Variants in HYAL1 observed in about 807,000 individuals in gnomAD.
HYAL1 encodes the protein hyaluronidase-1.
Under a neutral mutation model 28.8 loss-of-function variants are expected in HYAL1, and 21 were observed. The ratio of observed to expected loss-of-function variants is 0.73; its 90% CI spans 0.52 to 1.05. The LOEUF is 1.05. Ranked by LOEUF, HYAL1 falls within the 50% of genes least tolerant of loss-of-function variation. The pLI, the probability that HYAL1 is intolerant of heterozygous loss-of-function variation, is 0.00. For missense variants in HYAL1, 491 were observed against 579.2 expected (o/e 0.85, Z 1.56); for synonymous variants, 200 against 230.1 (o/e 0.87, Z 1.18).
chr3:50,305,445 G>A (rs587637738), upstream of HYAL1, among the ~76,000 whole-genome samples: 17 of 150,400 alleles, frequency 1.1e-4, no homozygotes, highest in East Asian at 6.0e-4. Flanking sequence ...AGGTTTCACC[G>A]TGTTAGCCAG....
At chr3:50,304,299 ATATATATATATATATATATATATATAT>A (rs1702291112), upstream of HYAL1, among the ~76,000 whole-genome samples, 1 of 27,866 alleles carries the variant, frequency 3.6e-5, no homozygotes, top group Admixed American at 5.9e-4. Context: ...AAAAAAAAAT[ATATATATATATATATATATATATATAT>A]ATATATATAT....
chr3:50,305,400 C>T (rs1394835853), upstream of HYAL1, among the ~76,000 whole-genome samples: 14 of 151,836 alleles, frequency 9.2e-5, 1 homozygote, highest in South Asian at 6.2e-4. Flanking sequence ...CCCGCCACCA[C>T]GCCTGGCTAA....
intron 1 of HYAL1, chr3:50,303,234 A>C (rs1575518369): frequency 2.7e-6 from 1 of 364,802 alleles, no homozygotes; most frequent in Non-Finnish European, 5.0e-6. Flanking sequence ...AAGCTCGCCC[A>C]CCCCTGCTTC....
chr3:50,300,152 T>C lies in HYAL1; in HGVS notation c.*331A>G, dbSNP rs1386556153. ...CCACATAAAACGCTTAGCACGGGGATTGGCAAAGAGTAGGCACTCAGTGAA... is the reference window on the plus strand; with the variant it reads ...CCACATAAAACGCTTAGCACGGGGACTGGCAAAGAGTAGGCACTCAGTGAA... On this transcript the variant is annotated 3_prime_UTR_variant, in exon 4 of 4. Transcript: ENST00000395144. 5.3e-6 allele frequency: 2 copies of C among 380,554 alleles called. No individual in the cohort carries two copies. Among genetic ancestry groups the C allele is most frequent in the Admixed American group, 7.5e-5 (2 of 26,748 alleles). The allele number at this position is 380,554 out of a possible 1,614,324, so 23.6% of individuals were successfully genotyped here.
Position 50,302,212 on chromosome 3 carries a change from G to A in HYAL1, c.745C>T (p.Pro249Ser), listed in dbSNP as rs138951582. Reference sequence around the variant, plus strand: ...TTCCCTGTGCCCTCCAGCACTGCGGGCATGTAGATGCTGGGATAGAGGGCA... The same window carrying A: ...TTCCCTGTGCCCTCCAGCACTGCGGACATGTAGATGCTGGGATAGAGGGCA... ...SRALYPSIYMPAVLEGTGKSQ... is the reference protein window; with the variant it reads ...SRALYPSIYMSAVLEGTGKSQ... The change falls in exon 2 of 4, where the codon CCC becomes TCC. Residue 249 changes from proline (P) to serine (S), a missense_variant. Transcript: ENST00000395144. The surrounding 1 kb of genome is among the most constrained non-coding windows in gnomAD (Gnocchi z 5.0). 8.4e-4 allele frequency: 1,356 copies of A among 1,614,154 alleles called. 16 individuals are homozygous for A. In the East Asian group the frequency reaches 0.015, roughly 17 times the overall value.
intron 2 of HYAL1, 102 bp from the exon 3 acceptor site, chr3:50,301,179 G>C (rs1553712820): frequency 2.6e-6 from 2 of 769,044 alleles, no homozygotes; most frequent in African/African-American, 3.5e-5. Flanking sequence ...CCTTCACCTG[G>C]GGCTGCTCTG....
chr3:50,303,242 T>G lies in HYAL1; in HGVS notation c.-25+224A>C. On this transcript the variant is annotated intron_variant, in intron 1 of 3. Transcript: ENST00000395144. ...CTAGCCTAAGCTCGCCCACCCCTGC[T>G]TCCCCATGAGCCACTGAGGCCATGA... is the stretch of plus-strand genomic sequence containing the variant. 5 of 346,534 alleles carry G rather than the reference T, an allele frequency of 1.4e-5. 1 individual carries two copies. Among genetic ancestry groups the G allele is most frequent in the South Asian group, 1.4e-4 (2 of 13,878 alleles). 21.5% of individuals were successfully genotyped at this position (346,534 alleles called of 1,614,324 possible). A position where few individuals can be genotyped will look rare whatever the true frequency, so the allele number is the denominator to read the frequency against.
Position 50,302,847 on chromosome 3 carries a change from T to C in HYAL1, c.110A>G (p.Asn37Ser), listed in dbSNP as rs781829736. 1.2e-6 allele frequency: 2 copies of C among 1,614,052 alleles called. No homozygotes were observed. The highest frequency in any genetic ancestry group is 1.7e-6 in the Non-Finnish European group (2 of 1,180,002). Residue 37 changes from asparagine to serine, a missense_variant, in exon 2 of 4, where the codon AAT becomes AGT. By Grantham distance (46) the Asn-to-Ser change is conservative (BLOSUM62 1). Transcript: ENST00000395144. This position sits in a 1 kb window ranked among gnomAD's most constrained non-coding sequence, Gnocchi z 5.0. The part of the protein sequence containing the change: ...LPNRPFTTVW[N>S]ANTQWCLERH... ...CTCCAGGCACCACTGGGTGTTTGCA[T>C]TCCAGACGGTGGTGAAGGGCCGGTT...
upstream of HYAL1, among the ~76,000 whole-genome samples, chr3:50,306,976 A>G (rs1343141071): frequency 4.0e-5 from 6 of 151,158 alleles, no homozygotes; most frequent in African/African-American, 1.5e-4. Context: ...AGGCTGAGGC[A>G]GGAGAATCAC....
intron 2 of HYAL1, 116 bp from the exon 3 acceptor site, chr3:50,301,193 A>G (rs1432285493): frequency 5.9e-6 from 4 of 682,366 alleles, no homozygotes; most frequent in Non-Finnish European, 1.0e-5. Flanking sequence ...TGCTCTGGCC[A>G]TGGGACCAGA....
chr3:50,306,441 C>G (rs1451943381), upstream of HYAL1, among the ~76,000 whole-genome samples: 1 of 150,982 alleles, frequency 6.6e-6, no homozygotes, highest in Non-Finnish European at 1.5e-5. Context: ...TTCTGCCTTG[C>G]AATTTCCTTT....
chr3:50,303,002 G>A, intron 1 of HYAL1, 22 bp from the exon 2 acceptor site: 1 of 1,516,810 alleles, frequency 6.6e-7, no homozygotes, highest in Non-Finnish European at 8.8e-7. Context: ...AGGCAGAGCT[G>A]AGAACAGGTT....
In HYAL1 at chr3:50,302,278, C is replaced by T. The variant is rs143176318; in HGVS notation, c.679G>A (p.Ala227Thr). The T allele has an allele frequency of 1.2e-3, 1,956 of 1,613,820 alleles. 2 individuals carry two copies. Among genetic ancestry groups the T allele is most frequent in the Non-Finnish European group, 1.5e-3 (1,721 of 1,180,028 alleles). ...YTGQCPSGIR[A>T]QNDQLGWLWG... is the part of the protein sequence containing the mutation. ...AGCCACCCTAGCTGGTCATTTTGGG[C>T]ACGGATGCCTGATGGGCACTGGCCG... Residue 227 changes from alanine (A) to threonine (T), a missense_variant, in exon 2 of 4, where the codon GCC becomes ACC. Coordinates refer to ENST00000395144, the MANE Select transcript of HYAL1 (RefSeq NM_033159.4). This position sits in a 1 kb window ranked among gnomAD's most constrained non-coding sequence, Gnocchi z 5.0.
At chr3:50,304,580 T>A (rs1375435021), upstream of HYAL1, among the ~76,000 whole-genome samples, 1 of 151,438 alleles carries the variant, frequency 6.6e-6, no homozygotes, top group Admixed American at 6.6e-5. Context: ...ATATTTACAT[T>A]TATATTCTTC....
chr3:50,304,296 A>AAATATATATATAT (rs1553713686), upstream of HYAL1, among the ~76,000 whole-genome samples: 1 of 30,478 alleles, frequency 3.3e-5, no homozygotes, highest in African/African-American at 1.0e-4. Flanking sequence ...AAAAAAAAAA[A>AAATATATATATAT]ATATATATAT....
At chr3:50,304,074 C>T (rs149952098), upstream of HYAL1, 12,460 of 151,220 alleles carry the variant, frequency 0.082, 624 homozygotes, top group Middle Eastern at 0.11. Context: ...GAGACCATCC[C>T]GGCTAACATG....
At chr3:50,311,930 C>T (rs1702473518) in intron 1 of HYAL1, among the ~76,000 whole-genome samples, 1 of 142,730 alleles carries the variant, frequency 7.0e-6, no homozygotes, top group African/African-American at 2.7e-5. Context: ...GGGTGGCTGG[C>T]CGGCCAGAGG....
At chr3:50,305,464 C>T (rs1311581919), upstream of HYAL1, among the ~76,000 whole-genome samples, 3 of 151,254 alleles carry the variant, frequency 2.0e-5, no homozygotes, top group Non-Finnish European at 2.9e-5. Flanking sequence ...AGGATGGTCT[C>T]GATCTCCTGA....
chr3:50,311,476 G>A (rs1249287990), intron 1 of HYAL1, among the ~76,000 whole-genome samples: 17 of 119,358 alleles, frequency 1.4e-4, no homozygotes, highest in Non-Finnish European at 2.0e-4. Context: ...CGGACGGGGC[G>A]GCTGGCCGGG....
Sources: gnomAD v4.1 joint callset for allele counts (sites outside exome capture counted in the v4.1 genomes callset) on GRCh38, gnomAD v4.1.1 for gene constraint, Gnocchi (gnomAD v3.1) non-coding constraint, MANE v1.5 for transcripts, NCBI Gene and HGNC (gene_info 2026-07-23, HGNC 2026-07-21) for gene names.